The following EML1 variants were observed in gnomAD, a reference collection of about 807,000 sequenced individuals.
The protein encoded by EML1 is EMAP like 1, also known as echinoderm microtubule-associated protein-like 1.
In EML1, 27 loss-of-function variants were observed where a neutral mutation model predicts 110.4. The ratio of observed to expected loss-of-function variants is 0.24; its 90% confidence interval spans 0.18 to 0.34. The LOEUF is 0.34. Ranked by LOEUF, EML1 falls within the 10% of genes least tolerant of loss-of-function variation. The probability of loss-of-function intolerance (pLI) is 1.00; values close to 1 mark genes in which losing one functional copy is unlikely to be tolerated. For synonymous variants in EML1, 344 were observed against 385.8 expected (o/e 0.89, Z 1.27); for missense variants, 741 against 1,030.9 (o/e 0.72, Z 3.85).
chr14:99,916,421 T>A (rs951175505), intron 15 of EML1, among the ~76,000 whole-genome samples: 142 of 152,378 alleles, frequency 9.3e-4, no homozygotes, highest in African/African-American at 3.3e-3. Context: ...TTTCTTTCTC[T>A]TGGTTTTTTA....
chr14:99,939,308 A>G lies in EML1; in HGVS notation c.2303A>G (p.Tyr768Cys), dbSNP rs2060534550. Residue 768 changes from tyrosine (Y) to cysteine (C), a missense_variant, in exon 21 of 22, where the codon TAC becomes TGC. Tyr to Cys is a radical substitution (Grantham distance 194). Around this residue, in one of 4 missense-constraint regions of EML1, gnomAD observed 114 missense variants for 122.5 expected, o/e 0.93. Coordinates refer to ENST00000262233, the MANE Select transcript of EML1 (RefSeq NM_004434.3). This position sits in a 1 kb window ranked among gnomAD's most constrained non-coding sequence, Gnocchi z 4.2. The part of the protein sequence containing the change: ...DDFGKVHLFS[Y>C]PCSQFRAPSH... ...TTTGGCAAAGTGCACCTCTTCTCAT[A>G]CCCCTGCTCGCAGTTCAGGGTAAAG... The G allele has an allele frequency of 6.2e-7, 1 of 1,614,184 alleles. No individual in the cohort carries two copies. Among genetic ancestry groups the G allele is most frequent in the Non-Finnish European group, 8.5e-7 (1 of 1,180,026 alleles).
intron 1 of EML1, among the ~76,000 whole-genome samples, chr14:99,756,737 T>A (rs1397188403): frequency 6.6e-6 from 1 of 152,146 alleles, no homozygotes; most frequent in East Asian, 1.9e-4. Flanking sequence ...GGAATCTGAA[T>A]CTTGGGGCTC....
intron 11 of EML1, 92 bp from the exon 12 acceptor site, chr14:99,910,150 T>TTTC (rs2059922855): frequency 1.1e-6 from 1 of 929,232 alleles, no homozygotes; most frequent in African/African-American, 1.7e-5. Context: ...ACTGCGAATC[T>TTTC]AGATGTTATT....
At chr14:99,833,891 T>C (rs961351794) in intron 1 of EML1, among the ~76,000 whole-genome samples, 2 of 152,228 alleles carry the variant, frequency 1.3e-5, no homozygotes, top group South Asian at 4.1e-4. Context: ...TCTTTGTGTA[T>C]TCCTTCGATT....
intron 1 of EML1, among the ~76,000 whole-genome samples, chr14:99,775,382 C>T (rs1391640975): frequency 6.6e-6 from 1 of 152,124 alleles, no homozygotes; most frequent in African/African-American, 2.4e-5. Context: ...AGCCGGCTCC[C>T]GGAACAGTGG....
At chr14:99,802,590 G>C (rs111582209) in intron 1 of EML1, among the ~76,000 whole-genome samples, 127 of 152,256 alleles carry the variant, frequency 8.3e-4, no homozygotes, top group African/African-American at 2.9e-3. Context: ...CTGACGCCCA[G>C]GTCTCTGATG....
chr14:99,920,601 T>C (rs2060113350), intron 16 of EML1, among the ~76,000 whole-genome samples, 188 bp from the exon 17 acceptor site: 1 of 152,248 alleles, frequency 6.6e-6, no homozygotes, highest in Non-Finnish European at 1.5e-5. Flanking sequence ...ATGCTGTTCC[T>C]TTCATTAGAA....
At chr14:99,874,872 C>T (rs146524820) in intron 3 of EML1, 90 of 1,489,356 alleles carry the variant, frequency 6.0e-5, no homozygotes, top group East Asian at 2.6e-4. Flanking sequence ...TACTTTTCCA[C>T]GCTTTTATTA....
At chr14:99,929,315 A>G (rs370865823) in intron 17 of EML1, among the ~76,000 whole-genome samples, 1 of 152,214 alleles carries the variant, frequency 6.6e-6, no homozygotes, top group East Asian at 1.9e-4. Flanking sequence ...ATGAGGCCCA[A>G]CTGAAAGAAG....
chr14:99,754,382 G>A lies in EML1; in HGVS notation c.28+16522G>A, dbSNP rs570210704. On this transcript the variant is annotated intron_variant, in intron 1 of 10. Coordinates refer to the EML1 transcript ENST00000554479. ...CCCCTGCCTCCCCCCACGGTGGCACGCATGGCGTTTGAAGCTATGGGAGTC... is the reference window on the plus strand; with the variant it reads ...CCCCTGCCTCCCCCCACGGTGGCACACATGGCGTTTGAAGCTATGGGAGTC... Among the ~76,000 whole-genome samples, 16 of 152,224 alleles carry A rather than the reference G, an allele frequency of 1.1e-4. 1 individual carries two copies. The East Asian group carries it at 1.6e-3, about 15-fold the overall frequency.
intron 1 of EML1, among the ~76,000 whole-genome samples, chr14:99,824,497 C>T (rs2058319140): frequency 1.3e-5 from 2 of 151,460 alleles, no homozygotes; most frequent in Non-Finnish European, 2.9e-5. Context: ...CAGCATGGAT[C>T]CCTGCATACA....
At chr14:99,839,976 T>G (rs1174819445) in intron 1 of EML1, among the ~76,000 whole-genome samples, 1 of 152,162 alleles carries the variant, frequency 6.6e-6, no homozygotes, top group East Asian at 1.9e-4. Context: ...AAGGCCGAAA[T>G]CCAGGCCCGC....
chr14:99,848,522 TA>T (rs2058740513), intron 1 of EML1, among the ~76,000 whole-genome samples: 1 of 152,180 alleles, frequency 6.6e-6, no homozygotes, highest in Non-Finnish European at 1.5e-5. Context: ...CACTTATAAT[TA>T]ATGACATATA....
chr14:99,936,207 C>T lies in EML1; in HGVS notation c.2008-40C>T. On this transcript the variant is annotated intron_variant, in intron 18 of 21. Coordinates refer to ENST00000262233, the MANE Select transcript of EML1 (RefSeq NM_004434.3). This position sits in a 1 kb window ranked among gnomAD's most constrained non-coding sequence, Gnocchi z 5.5. ...CGTGGAACAGTGTTGGCAGGGACTT[C>T]TAAGGCCAATGAAATGAAGACAGTG... 6.2e-7 allele frequency: 1 copy of T among 1,613,076 alleles called. No individual in the cohort carries two copies. The highest frequency in any genetic ancestry group is 8.5e-7 in the Non-Finnish European group (1 of 1,179,070).
intron 1 of EML1, among the ~76,000 whole-genome samples, chr14:99,822,820 ACTC>A (rs747832425): frequency 6.6e-6 from 1 of 151,686 alleles, no homozygotes; most frequent in Non-Finnish European, 1.5e-5. Context: ...CCAAAGCCAC[ACTC>A]CTCCTTTCTT....
chr14:99,782,829 C>G (rs2057555785), intron 1 of EML1, among the ~76,000 whole-genome samples: 1 of 152,110 alleles, frequency 6.6e-6, no homozygotes, highest in Non-Finnish European at 1.5e-5. Context: ...GAGACTTTTC[C>G]TGGACTTTCC....
chr14:99,900,830 A>C (rs2059750888), intron 8 of EML1, 99 bp from the exon 9 acceptor site: 4 of 992,840 alleles, frequency 4.0e-6, no homozygotes, highest in Non-Finnish European at 6.2e-6. Context: ...TTGTTTTGAC[A>C]AAGTCCGAGT....
chr14:99,908,319 T>G (rs1397121229), intron 10 of EML1, among the ~76,000 whole-genome samples: 1 of 152,272 alleles, frequency 6.6e-6, no homozygotes, highest in Non-Finnish European at 1.5e-5. Context: ...CAAATTCCCT[T>G]GCCTTGACTG....
At chr14:99,812,359 G>A (rs2058094609) in intron 1 of EML1, among the ~76,000 whole-genome samples, 1 of 151,858 alleles carries the variant, frequency 6.6e-6, no homozygotes, top group Non-Finnish European at 1.5e-5. Flanking sequence ...GACATACACT[G>A]AGAAAGGAAG....
Sources: allele counts gnomAD v4.1 joint callset (sites outside exome capture counted in the v4.1 genomes callset), GRCh38; gene constraint gnomAD v4.1.1; regional missense constraint gnomAD v4.1.1; non-coding constraint Gnocchi (gnomAD v3.1); transcripts MANE v1.5; gene names NCBI Gene and HGNC (gene_info 2026-07-23, HGNC 2026-07-21).